The following GRM5 variants were observed in gnomAD, a reference collection of about 807,000 sequenced individuals.
The protein encoded by GRM5 is metabotropic glutamate receptor 5.
A neutral mutation model predicts 83.1 loss-of-function variants in GRM5; 19 were observed. The observed-to-expected ratio is 0.23, with a 90% CI of 0.16 to 0.34. The LOEUF (loss-of-function observed/expected upper bound fraction) is 0.34. Ranked by LOEUF, GRM5 falls within the 10% of genes least tolerant of loss-of-function variation. The pLI is 1.00. For synonymous variants in GRM5, 675 were observed against 633.6 expected, an observed-to-expected ratio of 1.07 and a Z score of -0.98; for missense variants, 1,160 against 1,588.3, an observed-to-expected ratio of 0.73 and a Z score of 4.58.
At chr11:88,980,471 GTTAGT>G (rs1270113531) in intron 2 of GRM5, among the ~76,000 whole-genome samples, 11 of 152,102 alleles carry the variant, frequency 7.2e-5, no homozygotes, top group Admixed American at 5.9e-4. Context: ...CTCCTAAAAA[GTTAGT>G]TTAATTAAAT....
At chr11:88,730,360 A>G (rs1292285603) in intron 3 of GRM5, among the ~76,000 whole-genome samples, 1 of 152,202 alleles carries the variant, frequency 6.6e-6, no homozygotes, top group East Asian at 1.9e-4. Flanking sequence ...GATTATTAAA[A>G]AGTCAGGAAA....
chr11:89,038,442 C>T (rs1941446930), intron 2 of GRM5, among the ~76,000 whole-genome samples: 1 of 152,064 alleles, frequency 6.6e-6, no homozygotes, highest in African/African-American at 2.4e-5. Context: ...AAATTCTGTA[C>T]CATATTGCTT....
At chr11:88,644,065 C>T (rs1939373319) in intron 4 of GRM5, among the ~76,000 whole-genome samples, 1 of 152,140 alleles carries the variant, frequency 6.6e-6, no homozygotes, top group African/African-American at 2.4e-5. Context: ...ACACATTCTA[C>T]AAATATTATT....
chr11:88,660,959 A>T lies in GRM5; in HGVS notation c.912-7556T>A, dbSNP rs554767872. Among the ~76,000 whole-genome samples, 5 of 152,336 alleles carry T rather than the reference A, an allele frequency of 3.3e-5. No individual in the cohort carries two copies. In the South Asian group the frequency reaches 1.0e-3, roughly 32 times the overall value. On this transcript the variant is annotated intron_variant, in intron 3 of 9. Coordinates refer to ENST00000305447, the MANE Select transcript of GRM5 (RefSeq NM_001143831.3). ...TGGTTCCTTCTGCTCTGCTTCTAAA[A>T]TACAGTGACATTCATTGCTTTATTC...
chr11:88,799,905 T>A (rs1046805027), intron 3 of GRM5, among the ~76,000 whole-genome samples: 1 of 152,166 alleles, frequency 6.6e-6, no homozygotes, highest in Non-Finnish European at 1.5e-5. Context: ...CAGTCTGGGC[T>A]TTGATCCCAG....
chr11:88,848,663 T>G (rs192035902), intron 3 of GRM5, among the ~76,000 whole-genome samples: 1 of 152,308 alleles, frequency 6.6e-6, no homozygotes, highest in Admixed American at 6.5e-5. Flanking sequence ...ATCTCAGAAG[T>G]GCACCTCATT....
intron 2 of GRM5, among the ~76,000 whole-genome samples, chr11:88,875,445 C>A (rs1032733693): frequency 2.6e-5 from 4 of 151,842 alleles, no homozygotes; most frequent in South Asian, 2.1e-4. Context: ...AGTCTTGAAC[C>A]CCTCAAAATC....
chr11:88,569,278 G>T (rs969943859), intron 7 of GRM5, among the ~76,000 whole-genome samples: 15 of 152,182 alleles, frequency 9.9e-5, no homozygotes, highest in Admixed American at 8.5e-4. Context: ...AGACTTGAAA[G>T]AAAATGGACT....
chr11:88,681,419 C>A (rs565746240), intron 3 of GRM5, among the ~76,000 whole-genome samples: 1 of 151,690 alleles, frequency 6.6e-6, no homozygotes, highest in Non-Finnish European at 1.5e-5. Context: ...CTCTTGAACC[C>A]TTTCTTTTTG....
intron 3 of GRM5, among the ~76,000 whole-genome samples, chr11:88,667,012 G>A (rs531276725): frequency 1.8e-4 from 28 of 152,204 alleles, no homozygotes; most frequent in Middle Eastern, 3.4e-3. Context: ...ATACAAATAT[G>A]AATAATATAT....
At chr11:88,826,804 G>T (rs1357791975) in intron 3 of GRM5, among the ~76,000 whole-genome samples, 1 of 152,116 alleles carries the variant, frequency 6.6e-6, no homozygotes, top group East Asian at 1.9e-4. Flanking sequence ...ACAAGACTAT[G>T]TAGACTTTTA....
chr11:88,962,736 GA>G (rs1565311151), intron 2 of GRM5, among the ~76,000 whole-genome samples: 1 of 151,938 alleles, frequency 6.6e-6, no homozygotes, highest in African/African-American at 2.4e-5. Context: ...AAATAATCTA[GA>G]AAAAAATAAT....
At chr11:88,687,533 TA>T (rs1940663256) in intron 3 of GRM5, among the ~76,000 whole-genome samples, 1 of 18,732 alleles carries the variant, frequency 5.3e-5, no homozygotes, top group Non-Finnish European at 1.6e-4. Flanking sequence ...CACATACATA[TA>T]TATACACACA....
chr11:88,832,725 A>G (rs372088618), intron 3 of GRM5, among the ~76,000 whole-genome samples: 1 of 152,182 alleles, frequency 6.6e-6, no homozygotes, highest in African/African-American at 2.4e-5. Context: ...ATATTACAAG[A>G]ATATAGTGAC....
intron 2 of GRM5, among the ~76,000 whole-genome samples, chr11:89,022,312 A>G (rs909877965): frequency 1.3e-5 from 2 of 152,138 alleles, no homozygotes; most frequent in Non-Finnish European, 2.9e-5. Flanking sequence ...AAATATGAAT[A>G]TGATCCACCA....
chr11:88,800,188 A>G (rs555918513), intron 3 of GRM5, among the ~76,000 whole-genome samples: 56 of 152,266 alleles, frequency 3.7e-4, no homozygotes, highest in African/African-American at 1.2e-3. Context: ...GAAGAAATTG[A>G]GGCTTAAAAG....
intron 2 of GRM5, among the ~76,000 whole-genome samples, chr11:88,867,253 T>A (rs368144416): frequency 6.6e-6 from 1 of 151,874 alleles, no homozygotes; most frequent in Admixed American, 6.6e-5. Context: ...ATAAAGTCAA[T>A]GGTAGCTTGA....
chr11:88,994,992 A>G (rs1402162408), intron 2 of GRM5, among the ~76,000 whole-genome samples: 1 of 152,174 alleles, frequency 6.6e-6, no homozygotes, highest in Non-Finnish European at 1.5e-5. Flanking sequence ...TTACTTACCT[A>G]TAAATTGCCA....
chr11:88,886,526 C>T (rs1200474385), intron 2 of GRM5, among the ~76,000 whole-genome samples: 1 of 152,138 alleles, frequency 6.6e-6, no homozygotes, highest in Non-Finnish European at 1.5e-5. Flanking sequence ...GGAGCATCCC[C>T]CAGTACCCAT....
Sources: gnomAD v4.1 joint callset for allele counts (sites outside exome capture counted in the v4.1 genomes callset) on GRCh38, gnomAD v4.1.1 for gene constraint, MANE v1.5 for transcripts, NCBI Gene and HGNC (gene_info 2026-07-23, HGNC 2026-07-21) for gene names.